Variants in BBS9 observed in about 807,000 individuals in gnomAD.
BBS9 encodes the protein Bardet-Biedl syndrome 9, also known as protein PTHB1.
A neutral mutation model predicts 117.7 loss-of-function variants in BBS9; 89 were observed. That is an observed-to-expected ratio of 0.76 (90% CI 0.64 to 0.90). The LOEUF (loss-of-function observed/expected upper bound fraction) is 0.90, where lower values mean the gene tolerates loss of function less well. BBS9 is among the 40% of genes least tolerant of loss of function. The pLI, the probability that BBS9 is intolerant of heterozygous loss-of-function variation, is 0.00. For synonymous variants in BBS9, 379 were observed against 370.9 expected, an observed-to-expected ratio of 1.02 and a Z score of -0.25; for missense variants, 982 against 1,042.2, an observed-to-expected ratio of 0.94 and a Z score of 0.80.
chr7:33,306,168 G>A (rs182526236), intron 9 of BBS9, among the ~76,000 whole-genome samples: 7 of 151,882 alleles, frequency 4.6e-5, no homozygotes, highest in Non-Finnish European at 8.8e-5. Context: ...TCATTCAGGA[G>A]CATATTGTTT....
intron 9 of BBS9, among the ~76,000 whole-genome samples, chr7:33,287,614 T>G (rs1803144205): frequency 6.6e-6 from 1 of 152,178 alleles, no homozygotes; most frequent in African/African-American, 2.4e-5. Context: ...AATGTGGAAC[T>G]GTATTCAATG....
At chr7:33,503,338 A>C (rs565816190) in intron 19 of BBS9, among the ~76,000 whole-genome samples, 2 of 152,296 alleles carry the variant, frequency 1.3e-5, no homozygotes, top group South Asian at 4.1e-4. Flanking sequence ...CTGTGAAAGA[A>C]AATATCAACT....
At chr7:33,466,197 C>G (rs1056015292) in intron 19 of BBS9, among the ~76,000 whole-genome samples, 1 of 152,006 alleles carries the variant, frequency 6.6e-6, no homozygotes, top group African/African-American at 2.4e-5. Context: ...AAATTTCAAG[C>G]GTACAATACA....
At chr7:33,135,860 T>C (rs1216551897) in intron 1 of BBS9, among the ~76,000 whole-genome samples, 5 of 152,196 alleles carry the variant, frequency 3.3e-5, no homozygotes, top group African/African-American at 9.6e-5. Context: ...TCTATAACAA[T>C]GTTTTCATAG....
At chr7:33,583,344 A>G (rs940736516) in intron 21 of BBS9, among the ~76,000 whole-genome samples, 3 of 152,162 alleles carry the variant, frequency 2.0e-5, no homozygotes, top group African/African-American at 4.8e-5. Context: ...TTCTTTATCT[A>G]TAGACAGACT....
At chr7:33,142,951 C>T (rs1282500469) in intron 1 of BBS9, among the ~76,000 whole-genome samples, 1 of 151,772 alleles carries the variant, frequency 6.6e-6, no homozygotes, top group East Asian at 1.9e-4. Context: ...AGTGGGATGG[C>T]TGGATCAAAA....
chr7:33,565,041 C>G (rs1430141829), intron 21 of BBS9, among the ~76,000 whole-genome samples: 1 of 152,134 alleles, frequency 6.6e-6, no homozygotes, highest in East Asian at 1.9e-4. Context: ...CTAGATTCTA[C>G]TTACTAATCA....
chr7:33,433,407 C>G (rs892487066), intron 19 of BBS9, among the ~76,000 whole-genome samples: 1 of 152,132 alleles, frequency 6.6e-6, no homozygotes, highest in Non-Finnish European at 1.5e-5. Flanking sequence ...GGCAGAGTTG[C>G]AATAATTTTC....
At chr7:33,596,933 C>T (rs1862913206) in intron 21 of BBS9, among the ~76,000 whole-genome samples, 2 of 151,992 alleles carry the variant, frequency 1.3e-5, no homozygotes, top group Non-Finnish European at 2.9e-5. Flanking sequence ...CTTTTTATAG[C>T]TTACATTCTC....
intron 19 of BBS9, among the ~76,000 whole-genome samples, chr7:33,492,218 A>C (rs1036088949): frequency 1.3e-5 from 2 of 149,572 alleles, no homozygotes; most frequent in African/African-American, 5.0e-5. Context: ...AAAAAACAAA[A>C]AAAAAACAAA....
intron 5 of BBS9, among the ~76,000 whole-genome samples, chr7:33,216,380 G>A (rs191048045): frequency 1.4e-4 from 22 of 152,128 alleles, no homozygotes; most frequent in Admixed American, 6.5e-4. Context: ...AAAACAAGCC[G>A]AACTTTGTTT....
At chr7:33,406,704 G>A (rs1830066006) in intron 19 of BBS9, among the ~76,000 whole-genome samples, 1 of 151,958 alleles carries the variant, frequency 6.6e-6, no homozygotes, top group Non-Finnish European at 1.5e-5. Flanking sequence ...AGCTTAGTTT[G>A]GCTGGATATG....
intron 21 of BBS9, among the ~76,000 whole-genome samples, chr7:33,550,703 G>A (rs1469085658): frequency 1.3e-5 from 2 of 151,954 alleles, no homozygotes; most frequent in Middle Eastern, 3.2e-3. Flanking sequence ...CCAATAAATT[G>A]TTGGAATAGT....
At chr7:33,503,907 G>A (rs141812135) in intron 19 of BBS9, among the ~76,000 whole-genome samples, 1,542 of 152,256 alleles carry the variant, frequency 0.01, 20 homozygotes, top group South Asian at 0.05. Context: ...TGAGTTCCAA[G>A]CTCCGTTTGA....
chr7:33,309,411 A>G (rs549453291), intron 9 of BBS9, among the ~76,000 whole-genome samples: 1 of 152,332 alleles, frequency 6.6e-6, no homozygotes, highest in Non-Finnish European at 1.5e-5. Context: ...TTGAATTATA[A>G]CACATTTGAG....
chr7:33,517,400 T>G (rs1325349519), intron 20 of BBS9, among the ~76,000 whole-genome samples: 1 of 152,228 alleles, frequency 6.6e-6, no homozygotes. Flanking sequence ...TATCCCTGTT[T>G]GGCAGAGGCT....
intron 21 of BBS9, among the ~76,000 whole-genome samples, chr7:33,613,767 A>T (rs1318075823): frequency 1.3e-5 from 2 of 152,006 alleles, no homozygotes; most frequent in Non-Finnish European, 2.9e-5. Context: ...CAATGACAAA[A>T]ATAGGTGACC....
chr7:33,153,028 T>C (rs1331914949), intron 3 of BBS9, among the ~76,000 whole-genome samples, 177 bp downstream of exon 3: 1 of 152,228 alleles, frequency 6.6e-6, no homozygotes, highest in Non-Finnish European at 1.5e-5. Flanking sequence ...ACATTTAAGA[T>C]ATAATAATTT....
At chr7:33,627,631 A>G (rs966161838) in intron 21 of BBS9, among the ~76,000 whole-genome samples, 13 of 152,234 alleles carry the variant, frequency 8.5e-5, no homozygotes, top group African/African-American at 2.9e-4. Flanking sequence ...GAGATGGCCA[A>G]AGTCTTAGGA....
Sources: gnomAD v4.1 joint callset for allele counts (sites outside exome capture counted in the v4.1 genomes callset) on GRCh38, gnomAD v4.1.1 for gene constraint, MANE v1.5 for transcripts, NCBI Gene and HGNC (gene_info 2026-07-23, HGNC 2026-07-21) for gene names.